Variants in SEC14L6 observed in about 807,000 individuals in gnomAD.
SEC14L6 encodes the protein SEC14-like protein 6.
SEC14L6 carries 40 observed loss-of-function variants against 54.1 expected under a neutral mutation model. The observed-to-expected ratio is 0.74, with a 90% confidence interval of 0.57 to 0.96. SEC14L6 has a LOEUF of 0.96. SEC14L6 is among the 40% of genes least tolerant of loss of function. SEC14L6 has a pLI of 0.00. For missense variants in SEC14L6, 471 were observed against 498.3 expected (o/e 0.95, Z 0.52); for synonymous variants, 171 against 198.4 (o/e 0.86, Z 1.16).
intron 1 of SEC14L6, among the ~76,000 whole-genome samples, chr22:30,545,469 A>G (rs1210482348): frequency 6.6e-6 from 1 of 151,556 alleles, no homozygotes; most frequent in African/African-American, 2.4e-5. Flanking sequence ...ATGTTGGCTC[A>G]CCGCAGTCTC....
rs531523524 is a variant in SEC14L6 at position 30,525,604 on chromosome 22, T to A, written c.911+7A>T. 8.9e-5 allele frequency: 144 copies of A among 1,609,340 alleles called. No individual in the cohort carries two copies. The Middle Eastern group carries it at 1.1e-3, about 12-fold the overall frequency. On this transcript the variant is annotated splice_region_variant and intron_variant, in intron 10 of 11. Coordinates refer to ENST00000402034, the MANE Select transcript of SEC14L6 (RefSeq NM_001193336.4). ...GTGCCCAGGTGTAGAGTGGCTGCCA[T>A]CCCTACCTGAGCACACAGCCCGGGA...
chr22:30,543,429 G>A (rs2085758977), intron 1 of SEC14L6: 1 of 1,609,788 alleles, frequency 6.2e-7, no homozygotes, highest in African/African-American at 1.3e-5. Flanking sequence ...AGTTGACCTG[G>A]TTGGAGAACG....
At chr22:30,537,288 G>A (rs1036427321) in intron 2 of SEC14L6, among the ~76,000 whole-genome samples, 1 of 152,058 alleles carries the variant, frequency 6.6e-6, no homozygotes, top group African/African-American at 2.4e-5. Flanking sequence ...TCGCTAAACT[G>A]AAACTGAGTT....
intron 5 of SEC14L6, 60 bp from the exon 6 acceptor site, chr22:30,532,058 A>ATGGGGC: frequency 6.5e-7 from 1 of 1,529,060 alleles, no homozygotes; most frequent in Non-Finnish European, 8.8e-7. Flanking sequence ...CCCATCCAAG[A>ATGGGGC]TGGGGCTGGG....
intron 2 of SEC14L6, among the ~76,000 whole-genome samples, chr22:30,535,233 C>A (rs1193747331): frequency 1.3e-5 from 2 of 152,190 alleles, no homozygotes; most frequent in Non-Finnish European, 1.5e-5. Context: ...GTCCTAGCGG[C>A]CCCAGCAGGC....
intron 1 of SEC14L6, among the ~76,000 whole-genome samples, chr22:30,542,195 C>T (rs962723767): frequency 6.6e-6 from 1 of 152,196 alleles, no homozygotes; most frequent in Non-Finnish European, 1.5e-5. Flanking sequence ...CTCGGCACGG[C>T]TCTGAAAGGA....
At chr22:30,525,563 C>T (rs1936743192) in intron 10 of SEC14L6, 44 bp from the exon 11 acceptor site, 7 of 1,610,534 alleles carry the variant, frequency 4.3e-6, no homozygotes, top group Non-Finnish European at 5.1e-6. Context: ...GCCTGGGCTC[C>T]AGGCCCCTCC....
Position 30,525,987 on chromosome 22 carries a change from C to T in SEC14L6, c.665-55G>A, listed in dbSNP as rs527550404. 349 of 1,550,282 alleles carry T rather than the reference C, an allele frequency of 2.3e-4. 3 individuals are homozygous for T. In the South Asian group the frequency reaches 3.9e-3, roughly 17 times the overall value. ...GGGACTCAGGAGACTCAACAGAGGG[C>T]AGAGGGGGCTGAGCCCAGGTCTGTC... On this transcript the variant is annotated intron_variant, in intron 8 of 11. Coordinates refer to ENST00000402034, the MANE Select transcript of SEC14L6 (RefSeq NM_001193336.4).
rs188728824 is a variant in SEC14L6 at position 30,534,734 on chromosome 22, A to C, written c.131-695T>G. 1.7e-3 allele frequency among the ~76,000 whole-genome samples: 265 copies of C among 152,230 alleles called. 2 individuals are homozygous for C. The highest frequency in any genetic ancestry group is 1.3e-3 in the Non-Finnish European group (91 of 68,006). On this transcript the variant is annotated intron_variant, in intron 2 of 11. Coordinates refer to ENST00000402034, the MANE Select transcript of SEC14L6 (RefSeq NM_001193336.4). ...CCCCTTAATACTCTTTAAAAAAATC[A>C]CCAAACTCATCTGGGAACTATGGCT...
chr22:30,542,479 G>A (rs2085737268), intron 1 of SEC14L6: 1 of 585,080 alleles, frequency 1.7e-6, no homozygotes, highest in Non-Finnish European at 2.8e-6. Flanking sequence ...AGAAAAACAA[G>A]TTTGCGCAAA....
chr22:30,528,952 G>T, intron 8 of SEC14L6, 135 bp downstream of exon 8: 1 of 731,182 alleles, frequency 1.4e-6, no homozygotes, highest in Non-Finnish European at 2.3e-6. Context: ...CCACCTGGCA[G>T]CCCACCAGGC....
At chr22:30,542,752 A>C (rs1261511698) in intron 1 of SEC14L6, 3 of 1,585,616 alleles carry the variant, frequency 1.9e-6, no homozygotes, top group Non-Finnish European at 2.6e-6. Flanking sequence ...GACCTCCCTG[A>C]ACCCTGTGGG....
intron 2 of SEC14L6, among the ~76,000 whole-genome samples, chr22:30,537,420 G>C (rs1265013338): frequency 6.6e-6 from 1 of 152,168 alleles, no homozygotes; most frequent in East Asian, 1.9e-4. Context: ...TTCTAGACCA[G>C]CCTGAGCAAC....
intron 1 of SEC14L6, among the ~76,000 whole-genome samples, chr22:30,540,849 T>C (rs1705670744): frequency 6.6e-6 from 1 of 151,780 alleles, no homozygotes; most frequent in Non-Finnish European, 1.5e-5. Flanking sequence ...TGAAACCCCA[T>C]CTCTACTAAA....
intron 1 of SEC14L6, chr22:30,543,314 C>G: frequency 6.4e-7 from 1 of 1,573,468 alleles, no homozygotes; most frequent in Non-Finnish European, 8.7e-7. Flanking sequence ...TTGTCTGAGA[C>G]TATCCAAGTT....
chr22:30,532,048 C>T (rs1436431467), intron 5 of SEC14L6, 50 bp from the exon 6 acceptor site: 2 of 1,536,624 alleles, frequency 1.3e-6, no homozygotes, highest in South Asian at 1.2e-5. Context: ...ACTGCCCCCA[C>T]CCATCCAAGA....
At chr22:30,546,085 T>C (rs887790794) in intron 1 of SEC14L6, among the ~76,000 whole-genome samples, 9 of 150,900 alleles carry the variant, frequency 6.0e-5, no homozygotes, top group African/African-American at 1.5e-4. Context: ...ATGGAGCTAC[T>C]AGAAAATTTC....
chr22:30,543,672 T>C, intron 1 of SEC14L6: 1 of 1,612,098 alleles, frequency 6.2e-7, no homozygotes, highest in Middle Eastern at 1.8e-4. Flanking sequence ...CTGGACCTAA[T>C]GAACAGAACA....
At chr22:30,542,560 G>A (rs1248103805) in intron 1 of SEC14L6, 24 of 1,377,866 alleles carry the variant, frequency 1.7e-5, no homozygotes, top group East Asian at 2.7e-5. Context: ...CGCGGGCGGC[G>A]TAGCCGCGGC....
Sources: allele counts gnomAD v4.1 joint callset (sites outside exome capture counted in the v4.1 genomes callset), GRCh38; gene constraint gnomAD v4.1.1; transcripts MANE v1.5; gene names NCBI Gene and HGNC (gene_info 2026-07-23, HGNC 2026-07-21).